KANK1: variants seen among roughly 807,000 people sequenced by gnomAD.
KANK1 encodes the protein KN motif and ankyrin repeat domain-containing protein 1.
A neutral mutation model predicts 106.2 loss-of-function variants in KANK1; 109 were observed. That is an observed-to-expected ratio of 1.03 (90% CI 0.88 to 1.20). The LOEUF is 1.20. KANK1 is among the 50% of genes most tolerant of loss of function. The pLI, the probability that KANK1 is intolerant of heterozygous loss-of-function variation, is 0.00. For synonymous variants in KANK1, 873 were observed against 652.2 expected (o/e 1.34, Z -5.16); for missense variants, 2,399 against 1,710.7 (o/e 1.40, Z -7.10).
intron 1 of KANK1, among the ~76,000 whole-genome samples, chr9:589,916 C>T (rs917846296): frequency 1.3e-4 from 20 of 152,122 alleles, no homozygotes; most frequent in Non-Finnish European, 2.5e-4. Flanking sequence ...GGCTCCAAGT[C>T]GACAGATTCT....
chr9:645,242 AT>A (rs1839406021), intron 1 of KANK1, among the ~76,000 whole-genome samples: 1 of 150,000 alleles, frequency 6.7e-6, no homozygotes, highest in Non-Finnish European at 1.5e-5. Context: ...GGAGTTCAAG[AT>A]CAGCCTGGCC....
Position 496,758 on chromosome 9 carries a change from GC to G in KANK1, c.-362+23487del. ...TATTCTTATTTTTGTCCTTTATGAA[GC>G]CTAACCCAGCACTTTCAGCACAGCA... On this transcript the variant is annotated intron_variant, in intron 3 of 15. Transcript: ENST00000382303. 2.6e-5 allele frequency among the ~76,000 whole-genome samples: 4 copies of G among 152,072 alleles called. 1 individual carries two copies. Among genetic ancestry groups the G allele is most frequent in the Admixed American group, 2.6e-4 (4 of 15,276 alleles).
chr9:501,729 A>C (rs1034976047), upstream of KANK1, among the ~76,000 whole-genome samples: 578 of 152,244 alleles, frequency 3.8e-3, 3 homozygotes, highest in African/African-American at 0.013. Flanking sequence ...TTTTTAAAAA[A>C]ATAGAGATGA....
In KANK1 at chr9:740,944, C is replaced by T. The variant is rs555859205; in HGVS notation, c.3696+10C>T. 5 of 1,613,786 alleles carry T rather than the reference C, an allele frequency of 3.1e-6. No homozygotes were observed. The African/African-American group carries it at 5.3e-5, about 17-fold the overall frequency. On this transcript the variant is annotated intron_variant, in intron 9 of 11. Transcript: ENST00000382297. ...TGCCAAAGCTAGTCAGGTTAGTGCG[C>T]CTGGTTCCTGTGCTCAGGAATGCAC...
intron 1 of KANK1, among the ~76,000 whole-genome samples, chr9:621,353 A>C (rs1206375163): frequency 1.3e-5 from 2 of 150,582 alleles, no homozygotes; most frequent in Non-Finnish European, 1.5e-5. Flanking sequence ...AGTGTGAGCA[A>C]AGTCTTCATA....
chr9:684,065 C>T (rs1033111799), intron 2 of KANK1: 3 of 619,636 alleles, frequency 4.8e-6, no homozygotes, highest in African/African-American at 2.1e-5. Flanking sequence ...CAGAATTCAC[C>T]CAGCCCCCGG....
chr9:520,644 A>G (rs1022648856), intron 1 of KANK1, among the ~76,000 whole-genome samples: 2 of 151,860 alleles, frequency 1.3e-5, no homozygotes, highest in Non-Finnish European at 2.9e-5. Flanking sequence ...ATTCAGAAAT[A>G]GTTTTTAGAA....
intron 1 of KANK1, among the ~76,000 whole-genome samples, chr9:639,015 GA>G (rs1394095239): frequency 6.6e-6 from 1 of 152,114 alleles, no homozygotes; most frequent in Non-Finnish European, 1.5e-5. Context: ...TTCATAAAAT[GA>G]ATAGTGCATA....
intron 1 of KANK1, among the ~76,000 whole-genome samples, chr9:531,552 A>G (rs73639342): frequency 4.5e-4 from 68 of 152,354 alleles, no homozygotes; most frequent in African/African-American, 1.5e-3. Flanking sequence ...GCAAAACTCA[A>G]TTTGAGAGTT....
At chr9:725,719 A>G (rs1258053335) in intron 3 of KANK1, among the ~76,000 whole-genome samples, 1 of 152,096 alleles carries the variant, frequency 6.6e-6, no homozygotes, top group Non-Finnish European at 1.5e-5. Flanking sequence ...GGGAATCTGC[A>G]TTTTAGCCAA....
rs375618407 is a variant in KANK1 at position 566,603 on chromosome 9, T to G, written c.-84+61849T>G. On this transcript the variant is annotated intron_variant, in intron 1 of 11. Transcript: ENST00000382297. ...GTGGTTGTTATTTGCGTTTCTCTAA[T>G]GATCGGTAATGTTGAGCTTTTTTTC... 3.9e-5 allele frequency among the ~76,000 whole-genome samples: 6 copies of G among 152,364 alleles called. No individual in the cohort carries two copies. The South Asian group carries it at 1.2e-3, about 32-fold the overall frequency.
At chr9:741,961 A>C (rs1835699300) in intron 9 of KANK1, among the ~76,000 whole-genome samples, 1 of 151,936 alleles carries the variant, frequency 6.6e-6, no homozygotes, top group African/African-American at 2.4e-5. Context: ...CCAGCCCCTT[A>C]CTCTACTGAG....
At chr9:709,855 G>C (rs1564029159) in intron 2 of KANK1, among the ~76,000 whole-genome samples, 2 of 152,102 alleles carry the variant, frequency 1.3e-5, no homozygotes, top group African/African-American at 2.4e-5. Flanking sequence ...GACCTCAGGT[G>C]ATCCACCCGC....
At chr9:677,966 C>T (rs1816734656) in intron 2 of KANK1, among the ~76,000 whole-genome samples, 1 of 152,184 alleles carries the variant, frequency 6.6e-6, no homozygotes, top group South Asian at 2.1e-4. Flanking sequence ...GCACCAGAAA[C>T]ATACTTAGAG....
intron 1 of KANK1, among the ~76,000 whole-genome samples, chr9:505,151 G>T (rs564928957): frequency 1.3e-5 from 2 of 152,268 alleles, no homozygotes; most frequent in Admixed American, 1.3e-4. Flanking sequence ...CTGTCCCTCG[G>T]ATGCCTCTGG....
chr9:509,821 G>A (rs376949724), intron 1 of KANK1, among the ~76,000 whole-genome samples: 1 of 152,120 alleles, frequency 6.6e-6, no homozygotes, highest in East Asian at 1.9e-4. Flanking sequence ...TTTTGAGACA[G>A]GATATCATTG....
At chr9:509,646 T>C (rs1037465504) in intron 1 of KANK1, among the ~76,000 whole-genome samples, 1 of 152,230 alleles carries the variant, frequency 6.6e-6, no homozygotes, top group Non-Finnish European at 1.5e-5. Context: ...TACTAGTACA[T>C]ACCGTTGTGG....
chr9:586,976 C>T (rs2135447157), intron 1 of KANK1, among the ~76,000 whole-genome samples: 1 of 152,248 alleles, frequency 6.6e-6, no homozygotes, highest in South Asian at 2.1e-4. Flanking sequence ...AGTATTGTTC[C>T]ATTACATTTC....
At chr9:513,691 T>C (rs750487035) in intron 1 of KANK1, among the ~76,000 whole-genome samples, 9 of 152,218 alleles carry the variant, frequency 5.9e-5, no homozygotes, top group Non-Finnish European at 7.3e-5. Flanking sequence ...TTTTTCAGAT[T>C]TCTGTTGTTA....
Sources: allele counts gnomAD v4.1 joint callset (sites outside exome capture counted in the v4.1 genomes callset), GRCh38; gene constraint gnomAD v4.1.1; transcripts MANE v1.5; gene names NCBI Gene and HGNC (gene_info 2026-07-23, HGNC 2026-07-21).